Variants in REEP1 observed in about 807,000 individuals in gnomAD.
The protein encoded by REEP1 is receptor accessory protein 1, also known as receptor expression-enhancing protein 1.
A neutral mutation model predicts 40.3 loss-of-function variants in REEP1; 22 were observed. That is an observed-to-expected ratio of 0.55 (90% CI 0.39 to 0.78). The LOEUF is 0.78. Ranked by LOEUF, REEP1 falls within the 30% of genes least tolerant of loss-of-function variation. The pLI is 0.00. For synonymous variants in REEP1, 116 were observed against 139.2 expected (o/e 0.83, Z 1.17); for missense variants, 280 against 361.1 (o/e 0.78, Z 1.82).
chr2:86,245,534 C>G (rs975684899), intron 5 of REEP1, among the ~76,000 whole-genome samples: 1 of 152,168 alleles, frequency 6.6e-6, no homozygotes, highest in Non-Finnish European at 1.5e-5. Context: ...TGACGCACTG[C>G]CTCCTTTTCA....
rs944896060 is a variant in REEP1 at position 86,215,045 on chromosome 2, T to C, written c.*1994A>G. Reference sequence around the variant, plus strand: ...AAGCTTTTTTTTTTTTTTTTTTTTTTTGCATTCGTTTCTGATAATTCTGGG... The same window carrying C: ...AAGCTTTTTTTTTTTTTTTTTTTTTCTGCATTCGTTTCTGATAATTCTGGG... On this transcript the variant is annotated 3_prime_UTR_variant, in exon 9 of 9. Coordinates refer to ENST00000538924, the MANE Select transcript of REEP1 (RefSeq NM_001371279.1). 4.5e-4 allele frequency: 67 copies of C among 148,926 alleles called. No homozygotes were observed. Among genetic ancestry groups the C allele is most frequent in the Non-Finnish European group, 9.3e-4 (63 of 67,406 alleles). 9.2% of individuals were successfully genotyped at this position (148,926 alleles called of 1,614,324 possible).
chr2:86,291,751 C>T (rs146269000), intron 1 of REEP1, among the ~76,000 whole-genome samples: 161 of 152,326 alleles, frequency 1.1e-3, no homozygotes, highest in African/African-American at 3.4e-3. Context: ...GGCCATTCCC[C>T]GTTCCATACT....
chr2:86,275,610 T>C lies in REEP1; in HGVS notation c.105+6560A>G, dbSNP rs1677717132. 3.9e-5 allele frequency among the ~76,000 whole-genome samples: 6 copies of C among 152,282 alleles called. No homozygotes were observed. The South Asian group carries it at 1.2e-3, about 32-fold the overall frequency. The stretch of plus-strand genomic sequence containing the variant: ...TGCTGAAATGATTCCACCTAGCCAA[T>C]CTGAAATCTGTTTACCCTGTCTTGC... On this transcript the variant is annotated intron_variant, in intron 2 of 8. Coordinates refer to ENST00000538924, the MANE Select transcript of REEP1 (RefSeq NM_001371279.1).
At position 86,232,620 on chromosome 2, in the gene REEP1, C is replaced by T. The variant is rs1234793410; in HGVS notation, c.595+5G>A. 13 of 1,612,434 alleles carry T rather than the reference C, an allele frequency of 8.1e-6. No individual in the cohort carries two copies. The highest frequency in any genetic ancestry group is 1.1e-5 in the Non-Finnish European group (13 of 1,179,966). On this transcript the variant is annotated splice_donor_5th_base_variant and intron_variant, in intron 6 of 8. Coordinates refer to ENST00000538924, the MANE Select transcript of REEP1 (RefSeq NM_001371279.1). Reference sequence around the variant, plus strand: ...GGGAAAGAGGGGAAGTAAAGTGACACCTACCTGAGCTGCTAGCGCTCTCAG... The same window carrying T: ...GGGAAAGAGGGGAAGTAAAGTGACATCTACCTGAGCTGCTAGCGCTCTCAG...
chr2:86,286,081 G>A (rs746968289), intron 1 of REEP1, among the ~76,000 whole-genome samples: 1 of 152,038 alleles, frequency 6.6e-6, no homozygotes, highest in Non-Finnish European at 1.5e-5. Context: ...CTGTGTAAAG[G>A]CTCCATGGAT....
intron 2 of REEP1, among the ~76,000 whole-genome samples, chr2:86,274,216 C>T (rs1677618939): frequency 6.6e-6 from 1 of 152,118 alleles, no homozygotes; most frequent in Non-Finnish European, 1.5e-5. Context: ...AATTATGGGG[C>T]CACTTGCACC....
At chr2:86,259,558 T>C (rs1676747650) in intron 3 of REEP1, among the ~76,000 whole-genome samples, 1 of 151,878 alleles carries the variant, frequency 6.6e-6, no homozygotes, top group Non-Finnish European at 1.5e-5. Context: ...AGCTAATTTT[T>C]GTATTTTTTA....
intron 1 of REEP1, among the ~76,000 whole-genome samples, chr2:86,292,086 G>C (rs1678738760): frequency 6.6e-6 from 1 of 152,116 alleles, no homozygotes; most frequent in Admixed American, 6.6e-5. Flanking sequence ...AAAGAGGCTG[G>C]GCTTTGACTT....
At chr2:86,313,909 AT>A (rs1573034928) in intron 1 of REEP1, among the ~76,000 whole-genome samples, 2 of 152,206 alleles carry the variant, frequency 1.3e-5, no homozygotes, top group African/African-American at 4.8e-5. Context: ...CAAAATTTGA[AT>A]TTTGGTGCCA....
At chr2:86,228,686 T>G (rs1674854113) in intron 6 of REEP1, among the ~76,000 whole-genome samples, 1 of 152,044 alleles carries the variant, frequency 6.6e-6, no homozygotes, top group Admixed American at 6.6e-5. Context: ...TCAAACTCTC[T>G]ACCTCAGGTG....
chr2:86,225,228 A>T (rs1219965607), intron 7 of REEP1, among the ~76,000 whole-genome samples: 1 of 151,168 alleles, frequency 6.6e-6, no homozygotes, highest in Non-Finnish European at 1.5e-5. Flanking sequence ...CCCTGCTCAG[A>T]CTCCTCTGTC....
In REEP1 at chr2:86,300,711, T is replaced by G. The variant is rs183337299; in HGVS notation, c.33-18469A>C. Among the ~76,000 whole-genome samples, 6 of 152,322 alleles carry G rather than the reference T, an allele frequency of 3.9e-5. No individual in the cohort carries two copies. In the East Asian group the frequency reaches 1.2e-3, roughly 29 times the overall value. On this transcript the variant is annotated intron_variant, in intron 1 of 8. Coordinates refer to ENST00000538924, the MANE Select transcript of REEP1 (RefSeq NM_001371279.1). ...CTCTTTACAATAAAGAGTTGTTGTT[T>G]TGGCTCATGCTAAGGCCAGTTGGTT...
intron 1 of REEP1, among the ~76,000 whole-genome samples, chr2:86,312,053 A>C (rs1180443720): frequency 6.6e-6 from 1 of 152,168 alleles, no homozygotes; most frequent in East Asian, 1.9e-4. Flanking sequence ...CTCACCGCCA[A>C]GACTCGGGTT....
At chr2:86,226,097 C>G (rs1273620831) in intron 7 of REEP1, among the ~76,000 whole-genome samples, 1 of 147,798 alleles carries the variant, frequency 6.8e-6, no homozygotes, top group African/African-American at 2.6e-5. Context: ...CCACCACCAC[C>G]ACCACCACCA....
chr2:86,304,935 G>A (rs1321890494), intron 1 of REEP1, among the ~76,000 whole-genome samples: 1 of 152,198 alleles, frequency 6.6e-6, no homozygotes, highest in Non-Finnish European at 1.5e-5. Flanking sequence ...AGAGACGGAT[G>A]TCTCCAGAGA....
At chr2:86,223,043 G>A (rs570547533) in intron 7 of REEP1, among the ~76,000 whole-genome samples, 12 of 152,280 alleles carry the variant, frequency 7.9e-5, no homozygotes, top group Non-Finnish European at 1.3e-4. Context: ...AGGGTCTCCC[G>A]CCCAAGGTCA....
intron 7 of REEP1, among the ~76,000 whole-genome samples, chr2:86,222,403 C>T (rs968275157): frequency 2.0e-5 from 3 of 152,204 alleles, no homozygotes; most frequent in Non-Finnish European, 4.4e-5. Context: ...GAAGAAGCTA[C>T]AGAGAGAACC....
chr2:86,320,976 G>A (rs960397870), intron 1 of REEP1, among the ~76,000 whole-genome samples: 1 of 152,180 alleles, frequency 6.6e-6, no homozygotes, highest in Admixed American at 6.5e-5. Context: ...CCGCCACCAA[G>A]TCTGGCTAAT....
At chr2:86,257,317 AT>A (rs1314407531) in intron 3 of REEP1, among the ~76,000 whole-genome samples, 1 of 148,472 alleles carries the variant, frequency 6.7e-6, no homozygotes, top group African/African-American at 2.6e-5. Context: ...TTTAAAAAAA[AT>A]AGGTCATGCA....
Sources: gnomAD v4.1 joint callset for allele counts (sites outside exome capture counted in the v4.1 genomes callset) on GRCh38, gnomAD v4.1.1 for gene constraint, MANE v1.5 for transcripts, NCBI Gene and HGNC (gene_info 2026-07-23, HGNC 2026-07-21) for gene names.